DNAAF9: variants seen among roughly 807,000 people sequenced by gnomAD.
DNAAF9 encodes shulin.
A neutral mutation model predicts 167.0 loss-of-function variants in DNAAF9; 90 were observed. The ratio of observed to expected loss-of-function variants is 0.54; its 90% confidence interval spans 0.45 to 0.64. DNAAF9 has a LOEUF of 0.64. DNAAF9 is among the 30% of genes least tolerant of loss of function. The probability of loss-of-function intolerance (pLI) is 0.00; values close to 1 mark genes in which losing one functional copy is unlikely to be tolerated. For synonymous variants in DNAAF9, 491 were observed against 508.8 expected (o/e 0.96, Z 0.47); for missense variants, 1,315 against 1,442.2 (o/e 0.91, Z 1.43).
At chr20:3,323,214 C>G (rs1260590046) in intron 14 of DNAAF9, among the ~76,000 whole-genome samples, 1 of 150,024 alleles carries the variant, frequency 6.7e-6, no homozygotes, top group Non-Finnish European at 1.5e-5. Flanking sequence ...CACTCCTTCC[C>G]CTCTTGGGAG....
intron 33 of DNAAF9, among the ~76,000 whole-genome samples, chr20:3,257,129 G>A (rs1247126894): frequency 6.6e-6 from 1 of 152,128 alleles, no homozygotes; most frequent in Non-Finnish European, 1.5e-5. Context: ...CCCAAGAAGT[G>A]GGCAAGGGCT....
chr20:3,318,951 C>T (rs868377555), intron 16 of DNAAF9, among the ~76,000 whole-genome samples: 3 of 151,520 alleles, frequency 2.0e-5, no homozygotes, highest in South Asian at 2.1e-4. Context: ...GGCATGGTGG[C>T]GTGTGCCTGT....
At chr20:3,385,773 C>A (rs1392435500) in intron 1 of DNAAF9, among the ~76,000 whole-genome samples, 1 of 152,120 alleles carries the variant, frequency 6.6e-6, no homozygotes, top group South Asian at 2.1e-4. Context: ...AAATTAAATA[C>A]CTAGTTATAA....
intron 1 of DNAAF9, among the ~76,000 whole-genome samples, chr20:3,383,488 G>C (rs1472215438): frequency 6.6e-6 from 1 of 151,674 alleles, no homozygotes; most frequent in Non-Finnish European, 1.5e-5. Flanking sequence ...GGCTGGTCTC[G>C]AACTCCTGAC....
At chr20:3,373,456 A>G (rs1467960731) in intron 6 of DNAAF9, among the ~76,000 whole-genome samples, 2 of 152,212 alleles carry the variant, frequency 1.3e-5, no homozygotes, top group Non-Finnish European at 2.9e-5. Flanking sequence ...TCCCAGACTC[A>G]CTTAAGAAAT....
chr20:3,304,011 T>C (rs1482307795), intron 21 of DNAAF9, among the ~76,000 whole-genome samples: 5 of 152,200 alleles, frequency 3.3e-5, no homozygotes, highest in Non-Finnish European at 7.3e-5. Flanking sequence ...TACAATCCTG[T>C]CCATGCTAAT....
chr20:3,403,420 G>T (rs1043669315), intron 1 of DNAAF9, among the ~76,000 whole-genome samples: 1 of 151,236 alleles, frequency 6.6e-6, no homozygotes, highest in Non-Finnish European at 1.5e-5. Flanking sequence ...GAAGTAATCA[G>T]AAGAGAACTT....
At chr20:3,404,228 G>A (rs976011805) in intron 1 of DNAAF9, among the ~76,000 whole-genome samples, 1 of 152,144 alleles carries the variant, frequency 6.6e-6, no homozygotes, top group Non-Finnish European at 1.5e-5. Context: ...TAGAGGTGGG[G>A]TTTCACCATG....
intron 23 of DNAAF9, chr20:3,295,880 G>T (rs1483042227): frequency 8.6e-7 from 1 of 1,162,540 alleles, no homozygotes; most frequent in Non-Finnish European, 1.3e-6. Context: ...TCTCATGGGA[G>T]CCCAGCCAGT....
In DNAAF9 at chr20:3,250,339, T is replaced by C. The variant is rs2068178418; in HGVS notation, c.*2233A>G. On this transcript the variant is annotated 3_prime_UTR_variant, in exon 37 of 37. Transcript: ENST00000252032. ...GCCTCAGTCCTCAAAGAGCTCACAG[T>C]GCACCGCGGGTGTGCCTTATCAGTG... is the stretch of plus-strand genomic sequence containing the variant. The C allele has an allele frequency of 6.6e-6, 1 of 152,268 alleles. No individual in the cohort carries two copies. The highest frequency in any genetic ancestry group is 2.1e-4 in the South Asian group (1 of 4,834). 9.4% of individuals were successfully genotyped at this position (152,268 alleles called of 1,614,324 possible).
chr20:3,275,898 G>A (rs1026163776), intron 29 of DNAAF9, among the ~76,000 whole-genome samples: 1 of 152,232 alleles, frequency 6.6e-6, no homozygotes, highest in African/African-American at 2.4e-5. Context: ...CAGAAGCCCA[G>A]CAGAAAACAA....
intron 27 of DNAAF9, among the ~76,000 whole-genome samples, chr20:3,285,707 G>C (rs1040992772): frequency 1.4e-5 from 2 of 147,268 alleles, no homozygotes; most frequent in African/African-American, 5.0e-5. Context: ...GGCCAGGAGC[G>C]GTGGCTCATG....
At position 3,316,742 on chromosome 20, in the gene DNAAF9, G is replaced by C; in HGVS notation, c.1520C>G (p.Pro507Arg). 1.2e-6 allele frequency: 2 copies of C among 1,613,554 alleles called. No individual in the cohort carries two copies. Among genetic ancestry groups the C allele is most frequent in the South Asian group, 2.2e-5 (2 of 91,048 alleles). ...TSSVVLTAAV[P>R]RFCSWLVEDN... is the part of the protein sequence containing the mutation. Reference sequence around the variant, plus strand: ...ACTAACCAGCCAGGAGCAGAATCTGGGTACAGCAGCAGTCAGGACTACGGA... The same window carrying C: ...ACTAACCAGCCAGGAGCAGAATCTGCGTACAGCAGCAGTCAGGACTACGGA... The change falls in exon 18 of 37, where the codon CCC becomes CGC. Residue 507 changes from proline (P) to arginine (R), a missense_variant. Pro to Arg is a moderately radical substitution (Grantham distance 103). This residue lies in a region of DNAAF9 where 981 missense variants were observed against 1,012.5 expected (regional missense o/e 0.97). Transcript: ENST00000252032.
At chr20:3,269,729 C>T (rs1600679021) in intron 30 of DNAAF9, among the ~76,000 whole-genome samples, 2 of 152,096 alleles carry the variant, frequency 1.3e-5, no homozygotes, top group East Asian at 1.9e-4. Context: ...CCGAGGCAGG[C>T]GGAACACAAG....
Position 3,324,874 on chromosome 20 carries a change from AT to A in DNAAF9, c.1265+17del. 1 of 1,366,848 alleles carries A rather than the reference AT, an allele frequency of 7.3e-7. No homozygotes were observed. The highest frequency in any genetic ancestry group is 1.3e-5 in the South Asian group (1 of 79,582). 84.7% of individuals were successfully genotyped at this position (1,366,848 alleles called of 1,614,324 possible). A position where few individuals can be genotyped will look rare whatever the true frequency, so the allele number is the denominator to read the frequency against. ...GAAGAAAAAAAATTCCTTATAAAAAATATCAGCCATTGCTTACCGCAGGGCT... is the reference window on the plus strand; with the variant it reads ...GAAGAAAAAAAATTCCTTATAAAAAAATCAGCCATTGCTTACCGCAGGGCT... On this transcript the variant is annotated intron_variant, in intron 14 of 36. Coordinates refer to ENST00000252032, the MANE Select transcript of DNAAF9 (RefSeq NM_001009984.3).
At chr20:3,293,110 G>A (rs545750586) in intron 25 of DNAAF9, among the ~76,000 whole-genome samples, 4 of 150,974 alleles carry the variant, frequency 2.6e-5, no homozygotes, top group East Asian at 2.0e-4. Context: ...TGGCTAACAC[G>A]GTGAAACCCC....
At chr20:3,254,319 T>C (rs774238374) in intron 35 of DNAAF9, among the ~76,000 whole-genome samples, 22 of 152,148 alleles carry the variant, frequency 1.4e-4, no homozygotes, top group Non-Finnish European at 2.4e-4. Flanking sequence ...CCTCAAGTGA[T>C]CCACCCACCT....
At chr20:3,351,834 T>TTTTA (rs3082553) in intron 7 of DNAAF9, among the ~76,000 whole-genome samples, 407 of 146,226 alleles carry the variant, frequency 2.8e-3, no homozygotes, top group East Asian at 5.6e-3. Context: ...GTTTGTGTTA[T>TTTTA]TTTATTTATT....
chr20:3,279,642 C>T (rs2068732659), intron 28 of DNAAF9, among the ~76,000 whole-genome samples: 1 of 152,218 alleles, frequency 6.6e-6, no homozygotes, highest in South Asian at 2.1e-4. Flanking sequence ...CTCCTGTGGG[C>T]AAGGCACTGT....
Sources: gnomAD v4.1 joint callset for allele counts (sites outside exome capture counted in the v4.1 genomes callset) on GRCh38, gnomAD v4.1.1 for gene constraint, gnomAD v4.1.1 regional missense constraint, MANE v1.5 for transcripts, NCBI Gene and HGNC (gene_info 2026-07-23, HGNC 2026-07-21) for gene names.